Variants in IFIH1 observed in about 807,000 individuals in gnomAD.
IFIH1 encodes the protein interferon-induced helicase C domain-containing protein 1.
A neutral mutation model predicts 107.4 loss-of-function variants in IFIH1; 125 were observed. That is an observed-to-expected ratio of 1.16 (90% confidence interval 1.01 to 1.35). The LOEUF is 1.35. IFIH1 is among the 40% of genes most tolerant of loss of function. IFIH1 has a pLI of 0.00. For synonymous variants in IFIH1, 458 were observed against 413.2 expected, an observed-to-expected ratio of 1.11 and a Z score of -1.31; for missense variants, 1,333 against 1,213.7, an observed-to-expected ratio of 1.10 and a Z score of -1.46.
intron 6 of IFIH1, among the ~76,000 whole-genome samples, chr2:162,282,081 G>A (rs1011199423): frequency 5.3e-5 from 8 of 151,884 alleles, no homozygotes; most frequent in African/African-American, 1.9e-4. Context: ...CTATGGGAAA[G>A]GGAAGCAGAT....
chr2:162,290,686 C>T (rs73012951), intron 4 of IFIH1, among the ~76,000 whole-genome samples: 1 of 151,916 alleles, frequency 6.6e-6, no homozygotes, highest in Non-Finnish European at 1.5e-5. Context: ...AGACAGATAG[C>T]TCAATAATCT....
chr2:162,297,898 T>G (rs1683122325), intron 3 of IFIH1, among the ~76,000 whole-genome samples: 1 of 152,132 alleles, frequency 6.6e-6, no homozygotes, highest in African/African-American at 2.4e-5. Flanking sequence ...AAAAAAGCCT[T>G]ATTTTGCAAT....
chr2:162,297,139 G>A (rs1449889075), intron 3 of IFIH1, among the ~76,000 whole-genome samples: 1 of 151,990 alleles, frequency 6.6e-6, no homozygotes, highest in South Asian at 2.1e-4. Context: ...TTTAAAAACC[G>A]TATTACACAC....
intron 5 of IFIH1, 21 bp from the exon 6 acceptor site, chr2:162,282,597 T>G (rs1191246356): frequency 4.5e-6 from 7 of 1,545,150 alleles, no homozygotes; most frequent in Non-Finnish European, 6.2e-6. Flanking sequence ...TGTGAAGATT[T>G]TTTAAAAGAG....
chr2:162,295,778 G>T (rs543863343), intron 3 of IFIH1, among the ~76,000 whole-genome samples: 1 of 152,000 alleles, frequency 6.6e-6, no homozygotes, highest in African/African-American at 2.4e-5. Flanking sequence ...GCTCAGAGGC[G>T]AATGTGGGAT....
At chr2:162,291,486 A>T (rs1356536657) in intron 4 of IFIH1, among the ~76,000 whole-genome samples, 1 of 146,234 alleles carries the variant, frequency 6.8e-6, no homozygotes, top group South Asian at 2.1e-4. Context: ...TCTTTCTGAA[A>T]ATGGGAAACA....
At position 162,267,516 on chromosome 2, in the gene IFIH1, T is replaced by C. The variant is rs116508532; in HGVS notation, c.2861A>G (p.Tyr954Cys). The change falls in exon 15 of 16, where the codon TAT (tyrosine) becomes TGT (cysteine). Residue 954 changes from tyrosine (Y) to cysteine (C), a missense_variant. Physicochemically the swap from Tyr to Cys is radical, Grantham distance 194. Transcript: ENST00000649979. ...GCAGATGATTTCACCATTTATTTGA[T>C]AGTCGGCACACTTCTTTTGCAGTGC... is the stretch of plus-strand genomic sequence containing the variant. ...NKALQKKCAD[Y>C]QINGEIICKC... is the part of the protein sequence containing the mutation. The C allele has an allele frequency of 4.5e-5, 72 of 1,614,028 alleles. No individual in the cohort carries two copies. Among genetic ancestry groups the C allele is most frequent in the East Asian group, 3.8e-4 (17 of 44,870 alleles).
At chr2:162,274,995 G>A (rs1691124315) in intron 11 of IFIH1, among the ~76,000 whole-genome samples, 1 of 152,070 alleles carries the variant, frequency 6.6e-6, no homozygotes, top group African/African-American at 2.4e-5. Flanking sequence ...TCTCCCTCCG[G>A]CCCTCACATC....
At chr2:162,275,858 G>A (rs961305865) in intron 11 of IFIH1, among the ~76,000 whole-genome samples, 2 of 152,182 alleles carry the variant, frequency 1.3e-5, no homozygotes, top group East Asian at 3.9e-4. Flanking sequence ...TGTAAACAAA[G>A]TAAAACAAAA....
At chr2:162,303,153 T>G (rs1271867799) in intron 3 of IFIH1, among the ~76,000 whole-genome samples, 1 of 152,060 alleles carries the variant, frequency 6.6e-6, no homozygotes, top group Non-Finnish European at 1.5e-5. Context: ...TTGTTCTTAT[T>G]GCTCAGGCTG....
At chr2:162,295,236 T>C (rs938051081) in intron 3 of IFIH1, among the ~76,000 whole-genome samples, 13 of 152,024 alleles carry the variant, frequency 8.6e-5, no homozygotes, top group Non-Finnish European at 1.6e-4. Context: ...TGGCAACCAC[T>C]GATCTGGTTT....
At position 162,281,243 on chromosome 2, in the gene IFIH1, A is replaced by C. The variant is rs73973094; in HGVS notation, c.1524+85T>G. The C allele has an allele frequency of 8.5e-3, 8,576 of 1,008,364 alleles. 485 individuals carry two copies. In the African/African-American group the frequency reaches 0.13, roughly 15 times the overall value. The allele number at this position is 1,008,364 out of a possible 1,614,324, so 62.5% of individuals were successfully genotyped here. A position where few individuals can be genotyped will look rare whatever the true frequency, so the allele number is the denominator to read the frequency against. On this transcript the variant is annotated intron_variant, in intron 7 of 15. Coordinates refer to ENST00000649979, the MANE Select transcript of IFIH1 (RefSeq NM_022168.4). ...CTTAACTGATGATCACAGCACTTGA[A>C]CTCAATCTTATTTAATAAGACCAAG... is the stretch of plus-strand genomic sequence containing the variant.
chr2:162,303,705 T>G (rs1484362697), intron 3 of IFIH1, among the ~76,000 whole-genome samples: 1 of 152,146 alleles, frequency 6.6e-6, no homozygotes, highest in East Asian at 1.9e-4. Flanking sequence ...ATATCATTAT[T>G]AAAATTTTTT....
chr2:162,294,376 CCTT>C lies in IFIH1; in HGVS notation c.770-711_770-709del, dbSNP rs374479220. Among the ~76,000 whole-genome samples the C allele has an allele frequency of 2.5e-3, 381 of 151,992 alleles. 1 individual carries two copies. The highest frequency in any genetic ancestry group is 8.6e-3 in the African/African-American group (359 of 41,510). ...ACTCAGGATCAATTCTTTTTGAAAA[CCTT>C]CTTTCCCTCAGAGAAGAATTCTTTT... On this transcript the variant is annotated intron_variant, in intron 3 of 15. Transcript: ENST00000649979.
At chr2:162,268,757 T>C in intron 13 of IFIH1, among the ~76,000 whole-genome samples, 1 of 152,074 alleles carries the variant, frequency 6.6e-6, no homozygotes, top group South Asian at 2.1e-4. Flanking sequence ...GCTCAGCTAA[T>C]TTTCATATTT....
At chr2:162,292,407 A>C (rs1683009931) in intron 4 of IFIH1, among the ~76,000 whole-genome samples, 1 of 151,854 alleles carries the variant, frequency 6.6e-6, no homozygotes, top group Admixed American at 6.6e-5. Context: ...GTTGTGAATG[A>C]CATTTGGTGA....
At chr2:162,313,656 A>AT (rs1395220013) in intron 1 of IFIH1, among the ~76,000 whole-genome samples, 3 of 152,156 alleles carry the variant, frequency 2.0e-5, no homozygotes, top group East Asian at 1.9e-4. Context: ...TATAATGGTG[A>AT]TTTTTTTAAC....
In IFIH1 at chr2:162,318,399, C is replaced by G; in HGVS notation, c.-92G>C. The G allele has an allele frequency of 9.4e-7, 1 of 1,064,312 alleles. No individual in the cohort carries two copies. The highest frequency in any genetic ancestry group is 1.4e-6 in the Non-Finnish European group (1 of 710,308). The allele number at this position is 1,064,312 out of a possible 1,614,324, so 65.9% of individuals were successfully genotyped here. A position where few individuals can be genotyped will look rare whatever the true frequency, so the allele number is the denominator to read the frequency against. The stretch of plus-strand genomic sequence containing the variant: ...AAATGTGCGTGCCGCTGTCCGCTGC[C>G]CACTTAGAGAAGCAGGGTCTACCGC... On this transcript the variant is annotated 5_prime_UTR_variant, in exon 1 of 16. Coordinates refer to ENST00000649979, the MANE Select transcript of IFIH1 (RefSeq NM_022168.4).
Position 162,268,174 on chromosome 2 carries a change from C to T in IFIH1, c.2720G>A (p.Cys907Tyr). The T allele has an allele frequency of 6.2e-7, 1 of 1,613,440 alleles. No individual in the cohort carries two copies. Residue 907 changes from cysteine to tyrosine, a missense_variant, in exon 14 of 16, where the codon TGC (cysteine) becomes TAC (tyrosine). Coordinates refer to ENST00000649979, the MANE Select transcript of IFIH1 (RefSeq NM_022168.4). The stretch of plus-strand genomic sequence containing the variant: ...ACAGGCTAGCACACTGCAGTTTTTG[C>T]AAAGGAAAGTTATTAGTGATGGGTT... The part of the protein sequence containing the change: ...KNNPSLITFL[C>Y]KNCSVLACSG...
Sources: allele counts gnomAD v4.1 joint callset (sites outside exome capture counted in the v4.1 genomes callset), GRCh38; gene constraint gnomAD v4.1.1; transcripts MANE v1.5; gene names NCBI Gene and HGNC (gene_info 2026-07-23, HGNC 2026-07-21).